The following GRIK2 variants were observed in gnomAD, a reference collection of about 807,000 sequenced individuals.
GRIK2 encodes glutamate receptor ionotropic, kainate 2.
GRIK2 carries 32 observed loss-of-function variants against 100.3 expected under a neutral mutation model. That is an observed-to-expected ratio of 0.32 (90% CI 0.24 to 0.43). The LOEUF (loss-of-function observed/expected upper bound fraction) is 0.43, where lower values mean the gene tolerates loss of function less well. Ranked by LOEUF, GRIK2 falls within the 20% of genes least tolerant of loss-of-function variation. The pLI, the probability that GRIK2 is intolerant of heterozygous loss-of-function variation, is 1.00. For synonymous variants in GRIK2, 417 were observed against 389.4 expected (o/e 1.07, Z -0.83); for missense variants, 843 against 1,114.9 (o/e 0.76, Z 3.47).
intron 2 of GRIK2, among the ~76,000 whole-genome samples, chr6:101,421,147 A>T (rs945823813): frequency 2.6e-5 from 4 of 152,158 alleles, no homozygotes; most frequent in African/African-American, 9.7e-5. Context: ...ACAACTCGGG[A>T]TGTCTAAGGT....
At chr6:101,432,102 C>A (rs1471380212) in intron 2 of GRIK2, among the ~76,000 whole-genome samples, 3 of 151,710 alleles carry the variant, frequency 2.0e-5, no homozygotes, top group Non-Finnish European at 4.4e-5. Context: ...TCTCATTAGA[C>A]CCTGCCCTGC....
intron 4 of GRIK2, among the ~76,000 whole-genome samples, chr6:101,627,707 G>A (rs1780528791): frequency 6.6e-6 from 1 of 152,160 alleles, no homozygotes; most frequent in Admixed American, 6.5e-5. Flanking sequence ...CTTTTGTGTA[G>A]ATGTCATTTA....
intron 11 of GRIK2, among the ~76,000 whole-genome samples, chr6:101,866,557 T>A (rs1785064516): frequency 6.6e-6 from 1 of 152,130 alleles, no homozygotes. Context: ...CTCCAAAAAA[T>A]TTTTACTAAT....
intron 14 of GRIK2, among the ~76,000 whole-genome samples, chr6:101,950,549 C>T (rs952038327): frequency 6.6e-6 from 1 of 152,062 alleles, no homozygotes; most frequent in African/African-American, 2.4e-5. Flanking sequence ...ATGAAGCAGC[C>T]CCCTTTTTAG....
At position 102,068,651 on chromosome 6, in the gene GRIK2, T is replaced by C. The variant is rs1161968777; in HGVS notation, c.*140T>C. On this transcript the variant is annotated 3_prime_UTR_variant, in exon 17 of 17. Transcript: ENST00000369134. ...CGCTGTGTCTATGAACTAGAGACTC[T>C]GTGATCTAAGCAGTTGCAATGATCA... The C allele has an allele frequency of 3.0e-6, 2 of 676,262 alleles. No homozygotes were observed. Among genetic ancestry groups the C allele is most frequent in the African/African-American group, 1.8e-5 (1 of 54,820 alleles). The allele number at this position is 676,262 out of a possible 1,614,324, so 41.9% of individuals were successfully genotyped here. A position where few individuals can be genotyped will look rare whatever the true frequency, so the allele number is the denominator to read the frequency against.
At chr6:101,497,101 A>G (rs1773484986) in intron 2 of GRIK2, among the ~76,000 whole-genome samples, 1 of 152,126 alleles carries the variant, frequency 6.6e-6, no homozygotes, top group Non-Finnish European at 1.5e-5. Flanking sequence ...CCACACCCCA[A>G]GGTACTGTCT....
At chr6:101,498,643 T>G (rs1361570565) in intron 2 of GRIK2, among the ~76,000 whole-genome samples, 1 of 151,598 alleles carries the variant, frequency 6.6e-6, no homozygotes, top group Non-Finnish European at 1.5e-5. Context: ...TTTTCATGTG[T>G]CTTTTGGCTG....
At chr6:101,619,583 GA>G (rs1780048455) in intron 2 of GRIK2, among the ~76,000 whole-genome samples, 1 of 151,618 alleles carries the variant, frequency 6.6e-6, no homozygotes. Flanking sequence ...CATTTTGAAC[GA>G]AAAAAGTAGA....
intron 12 of GRIK2, among the ~76,000 whole-genome samples, chr6:101,901,414 G>T (rs1265384090): frequency 2.6e-5 from 4 of 151,776 alleles, no homozygotes; most frequent in Admixed American, 6.6e-5. Context: ...TTGTAAAATT[G>T]CCTGAATTCA....
At chr6:102,057,575 C>G (rs1771525372) in intron 16 of GRIK2, among the ~76,000 whole-genome samples, 2 of 151,868 alleles carry the variant, frequency 1.3e-5, no homozygotes, top group Admixed American at 6.6e-5. Context: ...TAACATTGCA[C>G]TAGAAAGAAA....
At chr6:101,451,715 T>TA in intron 2 of GRIK2, among the ~76,000 whole-genome samples, 1 of 143,364 alleles carries the variant, frequency 7.0e-6, no homozygotes, top group Non-Finnish European at 1.5e-5. Context: ...GGGTGCCAAA[T>TA]ACCTCCCACT....
In GRIK2 at chr6:102,058,863, TTGTCAGATA is replaced by T. The variant is rs1771602618; in HGVS notation, c.2562+3294_2562+3302del. The stretch of plus-strand genomic sequence containing the variant: ...ACGAATGTATTGGTGACTAAATAGT[TTGTCAGATA>T]TGTCAGATATAATATATATGAAGTT... On this transcript the variant is annotated intron_variant, in intron 16 of 16. Transcript: ENST00000369134. Among the ~76,000 whole-genome samples, 5 of 151,576 alleles carry T rather than the reference TTGTCAGATA, an allele frequency of 3.3e-5. No homozygotes were observed. The South Asian group carries it at 1.0e-3, about 31-fold the overall frequency.
chr6:102,065,063 G>C (rs940275740), intron 16 of GRIK2, among the ~76,000 whole-genome samples: 3 of 151,168 alleles, frequency 2.0e-5, no homozygotes, highest in African/African-American at 7.3e-5. Flanking sequence ...CTTATTCAAA[G>C]AGAAAATTAA....
chr6:101,427,341 T>C (rs909241418), intron 2 of GRIK2, among the ~76,000 whole-genome samples: 2 of 152,232 alleles, frequency 1.3e-5, no homozygotes, highest in Non-Finnish European at 2.9e-5. Flanking sequence ...TTTCTGAAAT[T>C]CTGTGGTTCA....
intron 4 of GRIK2, among the ~76,000 whole-genome samples, chr6:101,635,296 A>G (rs139983590): frequency 2.6e-5 from 4 of 152,256 alleles, no homozygotes; most frequent in African/African-American, 9.6e-5. Flanking sequence ...TTATGCTTGA[A>G]CTTATTTTTT....
intron 8 of GRIK2, among the ~76,000 whole-genome samples, chr6:101,800,490 T>A (rs1459992972): frequency 1.3e-5 from 2 of 152,246 alleles, no homozygotes; most frequent in East Asian, 3.9e-4. Flanking sequence ...AGTTTAACTG[T>A]GCCTTAATCT....
chr6:101,813,495 G>A (rs1290894396), intron 9 of GRIK2, among the ~76,000 whole-genome samples: 6 of 152,090 alleles, frequency 3.9e-5, no homozygotes, highest in Non-Finnish European at 7.4e-5. Flanking sequence ...ATACTCAGAA[G>A]AAACTGTGGC....
At chr6:101,505,776 GAAA>G (rs35632931) in intron 2 of GRIK2, among the ~76,000 whole-genome samples, 1 of 113,312 alleles carries the variant, frequency 8.8e-6, no homozygotes, top group East Asian at 2.3e-4. Flanking sequence ...GAAGAAATTA[GAAA>G]AAAAAAAAAA....
chr6:101,542,109 C>A (rs1776025906), intron 2 of GRIK2, among the ~76,000 whole-genome samples: 1 of 151,868 alleles, frequency 6.6e-6, no homozygotes, highest in South Asian at 2.1e-4. Flanking sequence ...TTTACTGTTT[C>A]CCGTGTTTCT....
Sources: gnomAD v4.1 joint callset for allele counts (sites outside exome capture counted in the v4.1 genomes callset) on GRCh38, gnomAD v4.1.1 for gene constraint, MANE v1.5 for transcripts, NCBI Gene and HGNC (gene_info 2026-07-23, HGNC 2026-07-21) for gene names.